Variants in CECR2 observed in about 807,000 individuals in gnomAD.
CECR2 encodes chromatin remodeling regulator CECR2.
In CECR2, 30 loss-of-function variants were observed where a neutral mutation model predicts 154.5. The ratio of observed to expected loss-of-function variants is 0.19; its 90% confidence interval spans 0.15 to 0.26. The LOEUF is 0.26. Ranked by LOEUF, CECR2 falls within the 10% of genes least tolerant of loss-of-function variation. The pLI is 1.00. For missense variants in CECR2, 1,743 were observed against 1,829.3 expected, an observed-to-expected ratio of 0.95 and a Z score of 0.86; for synonymous variants, 725 against 683.7, an observed-to-expected ratio of 1.06 and a Z score of -0.94.
intron 1 of CECR2, among the ~76,000 whole-genome samples, chr22:17,444,598 G>A (rs1601367618): frequency 1.3e-5 from 2 of 151,826 alleles, no homozygotes; most frequent in East Asian, 1.9e-4. Context: ...TAGCCTGGGC[G>A]ACAAAGTGAG....
At chr22:17,523,192 G>C (rs888003553) in intron 8 of CECR2, among the ~76,000 whole-genome samples, 1 of 151,898 alleles carries the variant, frequency 6.6e-6, no homozygotes, top group African/African-American at 2.4e-5. Context: ...AGACCAGCCT[G>C]GCCAACATGG....
intron 1 of CECR2, among the ~76,000 whole-genome samples, chr22:17,466,019 A>G (rs2055026714): frequency 1.3e-5 from 2 of 152,024 alleles, no homozygotes; most frequent in South Asian, 4.1e-4. Context: ...TTATTTATTT[A>G]TTTATTTATA....
intron 1 of CECR2, among the ~76,000 whole-genome samples, chr22:17,455,322 TA>T (rs1384857437): frequency 6.6e-6 from 1 of 152,240 alleles, no homozygotes; most frequent in African/African-American, 2.4e-5. Flanking sequence ...ATTTTGCTTC[TA>T]AGAGAAGTTA....
At chr22:17,512,200 G>A (rs879045935) in intron 8 of CECR2, among the ~76,000 whole-genome samples, 1 of 152,020 alleles carries the variant, frequency 6.6e-6, no homozygotes, top group Admixed American at 6.6e-5. Flanking sequence ...AGGATGTAGA[G>A]CTGGGCAACG....
At chr22:17,550,870 A>C (rs1182992622) in intron 17 of CECR2, among the ~76,000 whole-genome samples, 1 of 152,094 alleles carries the variant, frequency 6.6e-6, no homozygotes, top group Non-Finnish European at 1.5e-5. Context: ...TGAACCTGGG[A>C]GGCGGAGCTT....
intron 2 of CECR2, among the ~76,000 whole-genome samples, chr22:17,481,575 G>A (rs575484201): frequency 6.6e-6 from 1 of 152,250 alleles, no homozygotes; most frequent in South Asian, 2.1e-4. Flanking sequence ...GCATGTTTTA[G>A]AACAGGGGCC....
At chr22:17,468,923 G>C (rs973688140) in intron 1 of CECR2, among the ~76,000 whole-genome samples, 2 of 152,090 alleles carry the variant, frequency 1.3e-5, no homozygotes, top group African/African-American at 2.4e-5. Flanking sequence ...CATGGCGGGA[G>C]GCAGGAGGAC....
In CECR2 at chr22:17,444,750, G is replaced by A. The variant is rs146033330; in HGVS notation, c.127-32838G>A. On this transcript the variant is annotated intron_variant, in intron 1 of 18. Coordinates refer to ENST00000262608, the MANE Select transcript of CECR2 (RefSeq NM_001290047.2). ...GAACTAATCCTGAAAGAACTAGTCA[G>A]GGCAAGCTAAGGCTTAAACAGAAGT... 5.1e-3 allele frequency among the ~76,000 whole-genome samples: 783 copies of A among 152,314 alleles called. 4 individuals are homozygous for A. Among genetic ancestry groups the A allele is most frequent in the Middle Eastern group, 0.02 (6 of 294 alleles).
chr22:17,544,775 A>G (rs181263387), intron 16 of CECR2, among the ~76,000 whole-genome samples: 72 of 128,018 alleles, frequency 5.6e-4, no homozygotes, highest in African/African-American at 2.0e-3. Context: ...ACACCACTGC[A>G]CTCCAGCCTG....
At chr22:17,388,332 A>G (rs1444062962) in intron 1 of CECR2, among the ~76,000 whole-genome samples, 2 of 152,206 alleles carry the variant, frequency 1.3e-5, no homozygotes, top group Non-Finnish European at 2.9e-5. Flanking sequence ...CACTGTCTCA[A>G]GTGTTTCTCA....
intron 1 of CECR2, among the ~76,000 whole-genome samples, chr22:17,450,359 C>T (rs1169207497): frequency 1.3e-5 from 2 of 152,196 alleles, no homozygotes; most frequent in African/African-American, 4.8e-5. Context: ...CAACCTCTGC[C>T]TCCCGTGTTC....
At chr22:17,383,740 C>T (rs2063227728) in intron 1 of CECR2, among the ~76,000 whole-genome samples, 1 of 147,894 alleles carries the variant, frequency 6.8e-6, no homozygotes, top group African/African-American at 2.5e-5. Context: ...TCTCAGCTCA[C>T]TGCAAACTCC....
chr22:17,452,159 A>G (rs5746400), intron 1 of CECR2, among the ~76,000 whole-genome samples: 44,585 of 151,826 alleles, frequency 0.29, 9,202 homozygotes, highest in African/African-American at 0.56. Flanking sequence ...TGCAACCTCC[A>G]CCTCCTGGGT....
rs574888245 is a variant in CECR2 at position 17,437,726 on chromosome 22, G to A, written c.127-39862G>A. 2.8e-3 allele frequency among the ~76,000 whole-genome samples: 418 copies of A among 149,472 alleles called. 2 individuals carry two copies. The highest frequency in any genetic ancestry group is 0.02 in the Middle Eastern group (6 of 294). ...CATAGAAATTTCTAAATAGTATAGG[G>A]ATTAAAAAAAATTTTAAAGTTTGTC... On this transcript the variant is annotated intron_variant, in intron 1 of 18. Transcript: ENST00000262608.
At chr22:17,362,036 A>G (rs1239905240) in intron 1 of CECR2, among the ~76,000 whole-genome samples, 1 of 151,744 alleles carries the variant, frequency 6.6e-6, no homozygotes, top group African/African-American at 2.4e-5. Flanking sequence ...ATAACTGATC[A>G]TTTATTTTAT....
chr22:17,383,108 C>G (rs565207655), intron 1 of CECR2, among the ~76,000 whole-genome samples: 1 of 152,098 alleles, frequency 6.6e-6, no homozygotes, highest in African/African-American at 2.4e-5. Context: ...CACCTGTAAT[C>G]CCAGCTGCTC....
At chr22:17,419,148 C>T (rs1184396722) in intron 1 of CECR2, 1 of 153,794 alleles carries the variant, frequency 6.5e-6, no homozygotes, top group Non-Finnish European at 1.4e-5. Flanking sequence ...CCCACGCATC[C>T]CTGGTGGCGG....
chr22:17,433,136 T>C (rs568523432), intron 1 of CECR2, among the ~76,000 whole-genome samples: 39 of 152,330 alleles, frequency 2.6e-4, no homozygotes, highest in Admixed American at 2.5e-3. Flanking sequence ...GTTAATTCTT[T>C]GAACTGATAC....
chr22:17,433,067 G>A (rs1569079213), intron 1 of CECR2, among the ~76,000 whole-genome samples: 1 of 152,200 alleles, frequency 6.6e-6, no homozygotes, highest in Non-Finnish European at 1.5e-5. Context: ...GGTTGCCTAA[G>A]TACTGCACTG....
Sources: gnomAD v4.1 joint callset for allele counts (sites outside exome capture counted in the v4.1 genomes callset) on GRCh38, gnomAD v4.1.1 for gene constraint, MANE v1.5 for transcripts, NCBI Gene and HGNC (gene_info 2026-07-23, HGNC 2026-07-21) for gene names.